Variants in RB1CC1 observed in about 807,000 individuals in gnomAD.
The protein encoded by RB1CC1 is RB1-inducible coiled-coil protein 1.
RB1CC1 carries 46 observed loss-of-function variants against 177.5 expected under a neutral mutation model. The observed-to-expected ratio is 0.26, with a 90% CI of 0.20 to 0.33. The LOEUF (loss-of-function observed/expected upper bound fraction) is 0.33, where lower values mean the gene tolerates loss of function less well. RB1CC1 is among the 10% of genes least tolerant of loss of function. The pLI is 1.00. For synonymous variants in RB1CC1, 666 were observed against 613.6 expected (o/e 1.09, Z -1.26); for missense variants, 1,703 against 1,816.3 (o/e 0.94, Z 1.13).
chr8:52,677,261 G>A (rs908890535), intron 5 of RB1CC1, among the ~76,000 whole-genome samples: 2 of 152,116 alleles, frequency 1.3e-5, no homozygotes, highest in African/African-American at 4.8e-5. Flanking sequence ...CAGGAAATGA[G>A]AAGTCAAAGT....
intron 1 of RB1CC1, among the ~76,000 whole-genome samples, chr8:52,688,975 A>G (rs1036941328): frequency 2.0e-4 from 30 of 152,208 alleles, no homozygotes; most frequent in African/African-American, 7.0e-4. Context: ...CAGATAAGTC[A>G]ACTCTCCAAA....
In RB1CC1 at chr8:52,661,017, G is replaced by A. The variant is rs1329615041; in HGVS notation, c.1546-10C>T. On this transcript the variant is annotated splice_polypyrimidine_tract_variant and intron_variant, in intron 10 of 23. Coordinates refer to ENST00000025008, the MANE Select transcript of RB1CC1 (RefSeq NM_014781.5). ...CTAAAGCACCAGCCCACTAGAAGAG[G>A]AAAGCTTATGTTAAACATAAACATA... 2.5e-6 allele frequency: 4 copies of A among 1,612,270 alleles called. No homozygotes were observed. The highest frequency in any genetic ancestry group is 2.5e-6 in the Non-Finnish European group (3 of 1,179,356).
At chr8:52,713,604 C>A (rs1157623488) in intron 1 of RB1CC1, among the ~76,000 whole-genome samples, 2 of 152,212 alleles carry the variant, frequency 1.3e-5, no homozygotes, top group Non-Finnish European at 2.9e-5. Flanking sequence ...CGGCCAAACT[C>A]CACTCTCCCG....
At chr8:52,684,139 A>G in intron 3 of RB1CC1, 126 bp from the exon 4 acceptor site, 1 of 1,107,866 alleles carries the variant, frequency 9.0e-7, no homozygotes. Context: ...CCCCAAAAAC[A>G]GTAATAAAAA....
At chr8:52,640,155 A>T (rs1412075638) in intron 18 of RB1CC1, among the ~76,000 whole-genome samples, 1 of 152,118 alleles carries the variant, frequency 6.6e-6, no homozygotes, top group Non-Finnish European at 1.5e-5. Flanking sequence ...TCATATTTAT[A>T]AAAAAACCTA....
At chr8:52,704,028 C>T (rs1163453448) in intron 1 of RB1CC1, among the ~76,000 whole-genome samples, 2 of 151,982 alleles carry the variant, frequency 1.3e-5, no homozygotes, top group African/African-American at 4.8e-5. Flanking sequence ...CCTTTGTATG[C>T]CACAATTGTT....
In RB1CC1 at chr8:52,683,998, C is replaced by T. The variant is rs746556835; in HGVS notation, c.87G>A (p.Lys29=). 1 of 1,612,430 alleles carries T rather than the reference C, an allele frequency of 6.2e-7. No individual in the cohort carries two copies. The highest frequency in any genetic ancestry group is 1.1e-5 in the South Asian group (1 of 90,692). The change falls in exon 4 of 24, where the codon AAG becomes AAA. Residue 29 remains lysine (K), a synonymous_variant. Transcript: ENST00000025008. ...ELTVQTVADL[K]HAIQSKYKIA... ...TCTTGTATTTGCTTTGAATGGCATG[C>T]TTAAGGTCTGCCACACTTCAAAAAA...
intron 1 of RB1CC1, among the ~76,000 whole-genome samples, chr8:52,689,271 T>C (rs1454958722): frequency 1.3e-5 from 2 of 152,230 alleles, no homozygotes; most frequent in Non-Finnish European, 2.9e-5. Context: ...CCTAGATTTG[T>C]CTTCCTCCTA....
At position 52,676,879 on chromosome 8, in the gene RB1CC1, T is replaced by C. The variant is rs575567930; in HGVS notation, c.370-308A>G. Among the ~76,000 whole-genome samples, 8 of 152,358 alleles carry C rather than the reference T, an allele frequency of 5.3e-5. No individual in the cohort carries two copies. The East Asian group carries it at 5.8e-4, about 11-fold the overall frequency. ...TGATCAACATCTGCCATCTCAAATGTCACTGTCCTCTGGTATTATCTCAAG... is the reference window on the plus strand; with the variant it reads ...TGATCAACATCTGCCATCTCAAATGCCACTGTCCTCTGGTATTATCTCAAG... On this transcript the variant is annotated intron_variant, in intron 5 of 23. Coordinates refer to ENST00000025008, the MANE Select transcript of RB1CC1 (RefSeq NM_014781.5).
intron 1 of RB1CC1, among the ~76,000 whole-genome samples, chr8:52,698,652 C>A (rs1591125965): frequency 8.1e-6 from 1 of 124,208 alleles, no homozygotes; most frequent in African/African-American, 3.0e-5. Context: ...TTAACAAAAA[C>A]TGTATATGTA....
chr8:52,675,747 C>T (rs1343080257), intron 6 of RB1CC1, among the ~76,000 whole-genome samples: 4 of 148,510 alleles, frequency 2.7e-5, no homozygotes, highest in Non-Finnish European at 4.5e-5. Flanking sequence ...ATTAGCTGAG[C>T]GTGGTGGCGG....
chr8:52,676,329 C>T (rs762311665), intron 6 of RB1CC1, 40 bp downstream of exon 6: 5 of 1,540,698 alleles, frequency 3.2e-6, no homozygotes, highest in Non-Finnish European at 4.4e-6. Context: ...ATTTCAAAGG[C>T]ATTTTAAACA....
At position 52,642,415 on chromosome 8, in the gene RB1CC1, C is replaced by A. The variant is rs368743658; in HGVS notation, c.4273G>T (p.Ala1425Ser). Reference protein sequence around the residue: ...PELPGESDRSAVETADEGRVD... With the variant: ...PELPGESDRSSVETADEGRVD... ...CTTCCTTCATCTGCTGTTTCCACAG[C>A]GGATCTATCTGATTCACCTGGGAGT... Residue 1425 changes from alanine to serine, a missense_variant, in exon 18 of 24, where the codon GCT (alanine) becomes TCT (serine). Physicochemically the swap from Ala to Ser is moderately conservative, Grantham distance 99 (BLOSUM62 1). Transcript: ENST00000025008. 5.0e-6 allele frequency: 8 copies of A among 1,614,010 alleles called. No homozygotes were observed. In the African/African-American group the frequency reaches 6.7e-5, roughly 13 times the overall value.
rs945252844 is a variant in RB1CC1 at position 52,683,715 on chromosome 8, G to T, written c.203C>A (p.Thr68Lys). The stretch of plus-strand genomic sequence containing the variant: ...TTTGTTAAAAAGAAAAATTGGATTT[G>T]TATCCTATATTTTTTAAAAAAGGAG... ...RVCTYSAGTD[T>K]NPIFLFNKEM... The change falls in exon 5 of 24, where the codon ACA becomes AAA. Residue 68 changes from threonine to lysine, a missense_variant. Physicochemically the swap from Thr to Lys is moderately conservative, Grantham distance 78. Around this residue, in one of 6 missense-constraint regions of RB1CC1, gnomAD observed 118 missense variants for 121.2 expected, o/e 0.97. Transcript: ENST00000025008. The T allele has an allele frequency of 6.3e-7, 1 of 1,580,966 alleles. No individual in the cohort carries two copies. The highest frequency in any genetic ancestry group is 8.6e-7 in the Non-Finnish European group (1 of 1,164,758).
At chr8:52,670,848 T>C (rs770963836) in intron 7 of RB1CC1, among the ~76,000 whole-genome samples, 18 of 151,242 alleles carry the variant, frequency 1.2e-4, no homozygotes, top group Non-Finnish European at 2.7e-4. Context: ...ATTTGCCAGG[T>C]GTGGTGGCGG....
chr8:52,623,547 C>T lies in RB1CC1; in HGVS notation c.*235G>A, dbSNP rs775585352. 21 of 501,904 alleles carry T rather than the reference C, an allele frequency of 4.2e-5. No individual in the cohort carries two copies. The highest frequency in any genetic ancestry group is 2.6e-5 in the Non-Finnish European group (7 of 270,826). The allele number at this position is 501,904 out of a possible 1,614,324, so 31.1% of individuals were successfully genotyped here. On this transcript the variant is annotated 3_prime_UTR_variant, in exon 24 of 24. Coordinates refer to ENST00000025008, the MANE Select transcript of RB1CC1 (RefSeq NM_014781.5). ...GTTTGGTCCGCATTTCTAGAGTTGT[C>T]TGGGTAAAAAAAAAAACCAAAAAAC...
At position 52,636,083 on chromosome 8, in the gene RB1CC1, T is replaced by C; in HGVS notation, c.4338-14A>G. 1 of 1,598,246 alleles carries C rather than the reference T, an allele frequency of 6.3e-7. No individual in the cohort carries two copies. The stretch of plus-strand genomic sequence containing the variant: ...TGAATATTTTCTCTAAAAGTGAGAA[T>C]AATTGAGTTTCAGTTTGAAATTCTA... On this transcript the variant is annotated splice_polypyrimidine_tract_variant and intron_variant, in intron 18 of 23. Transcript: ENST00000025008.
chr8:52,634,786 C>A, intron 20 of RB1CC1, 135 bp downstream of exon 20: 1 of 697,264 alleles, frequency 1.4e-6, no homozygotes. Flanking sequence ...GATTCAATGA[C>A]CAACACGGAC....
At chr8:52,649,242 A>G (rs1850339329) in intron 15 of RB1CC1, among the ~76,000 whole-genome samples, 1 of 152,206 alleles carries the variant, frequency 6.6e-6, no homozygotes, top group South Asian at 2.1e-4. Flanking sequence ...CTGTCTTTGC[A>G]TACCTGAATA....
Sources: gnomAD v4.1 joint callset for allele counts (sites outside exome capture counted in the v4.1 genomes callset) on GRCh38, gnomAD v4.1.1 for gene constraint, gnomAD v4.1.1 regional missense constraint, MANE v1.5 for transcripts, NCBI Gene and HGNC (gene_info 2026-07-23, HGNC 2026-07-21) for gene names.